Variants in ZFHX2 observed in about 807,000 individuals in gnomAD.
ZFHX2 encodes zinc finger homeobox protein 2.
A neutral mutation model predicts 164.8 loss-of-function variants in ZFHX2; 75 were observed. The ratio of observed to expected loss-of-function variants is 0.46; its 90% CI spans 0.38 to 0.55. The LOEUF is 0.55. Among genes scored for constraint, ZFHX2 ranks in the 20% least tolerant of loss-of-function variants. The probability of loss-of-function intolerance (pLI) is 0.00; values close to 1 mark genes in which losing one functional copy is unlikely to be tolerated. For missense variants in ZFHX2, 2,933 were observed against 3,308.0 expected (o/e 0.89, Z 2.78); for synonymous variants, 1,217 against 1,351.4 (o/e 0.90, Z 2.18).
intron 1 of ZFHX2, chr14:23,543,862 C>G (rs1274998855): frequency 1.3e-5 from 2 of 151,906 alleles, no homozygotes; most frequent in African/African-American, 4.8e-5. Context: ...AAAAAAATAG[C>G]CTTTAGAGTC....
At position 23,535,181 on chromosome 14, in the gene ZFHX2, C is replaced by T; in HGVS notation, c.145G>A (p.Glu49Lys). Residue 49 changes from glutamate to lysine, a missense_variant, in exon 2 of 10, where the codon GAG (glutamate) becomes AAG (lysine). Glu to Lys is a moderately conservative substitution (Grantham distance 56). Coordinates refer to ENST00000419474, the MANE Select transcript of ZFHX2 (RefSeq NM_033400.3). The surrounding 1 kb of genome is among the most constrained non-coding windows in gnomAD (Gnocchi z 4.5). Reference sequence around the variant, plus strand: ...CCTGGCTCTGAGGACCTCATGTTCTCAGAGGTGGAGGAGGCAGCAGGGGGA... The same window carrying T: ...CCTGGCTCTGAGGACCTCATGTTCTTAGAGGTGGAGGAGGCAGCAGGGGGA... ...KDPPAASSTS[E>K]NMRSSEPGGQ... is the part of the protein sequence containing the mutation. The T allele has an allele frequency of 6.5e-7, 1 of 1,533,096 alleles. No homozygotes were observed. The allele number at this position is 1,533,096 out of a possible 1,614,324, so 95.0% of individuals were successfully genotyped here.
Position 23,527,697 on chromosome 14 carries a change from G to A in ZFHX2, c.3042C>T (p.Cys1014=), listed in dbSNP as rs1203916068. The A allele has an allele frequency of 1.3e-6, 2 of 1,536,248 alleles. No individual in the cohort carries two copies. The highest frequency in any genetic ancestry group is 1.4e-5 in the African/African-American group (1 of 73,168). Residue 1014 remains cysteine (C), a synonymous_variant, in exon 7 of 10, where the codon TGC becomes TGT. Coordinates refer to ENST00000419474, the MANE Select transcript of ZFHX2 (RefSeq NM_033400.3). ...AVQPKYRCPL[C]QEQLVGRPAL... ...CAGGCCGGCCCACCAGCTGTTCCTG[G>A]CACAGTGGGCATCTGTACTTGGGCT...
Position 23,546,879 on chromosome 14 carries a change from C to T in ZFHX2, c.-50+4464G>A. Among the ~76,000 whole-genome samples the T allele has an allele frequency of 6.6e-6, 1 of 152,190 alleles. No individual in the cohort carries two copies. ...ACTGTCCTTCCTTCAGGCCCCCCGC[C>T]CACCAGCCCCTTCTTTAGCTGCCCT... On this transcript the variant is annotated intron_variant, in intron 1 of 9. Coordinates refer to ENST00000419474, the MANE Select transcript of ZFHX2 (RefSeq NM_033400.3). This position sits in a 1 kb window ranked among gnomAD's most constrained non-coding sequence, Gnocchi z 4.7.
At position 23,525,788 on chromosome 14, in the gene ZFHX2, G is replaced by A. The variant is rs1878622699; in HGVS notation, c.4154C>T (p.Pro1385Leu). The A allele has an allele frequency of 6.7e-7, 1 of 1,491,774 alleles. No individual in the cohort carries two copies. 92.4% of individuals were successfully genotyped at this position (1,491,774 alleles called of 1,614,324 possible). ...GPKLTLAGPA[P>L]VLSLPAATPP... ...GGTGGCAGCTGGCAGGGACAGCACA[G>A]GTGCAGGCCCAGCTAGTGTCAGCTT... is the stretch of plus-strand genomic sequence containing the variant. The change falls in exon 9 of 10, where the codon CCT (proline) becomes CTT (leucine). Residue 1385 changes from proline to leucine, a missense_variant. Physicochemically the swap from Pro to Leu is moderately conservative, Grantham distance 98 (BLOSUM62 -3). Coordinates refer to ENST00000419474, the MANE Select transcript of ZFHX2 (RefSeq NM_033400.3). The surrounding 1 kb of genome is among the most constrained non-coding windows in gnomAD (Gnocchi z 5.9).
Position 23,525,662 on chromosome 14 carries a change from G to C in ZFHX2, c.4280C>G (p.Pro1427Arg). 6.5e-7 allele frequency: 1 copy of C among 1,535,410 alleles called. No homozygotes were observed. Residue 1427 changes from proline to arginine, a missense_variant, in exon 9 of 10, where the codon CCC becomes CGC. By Grantham distance (103) the Pro-to-Arg change is moderately radical (BLOSUM62 -2). Transcript: ENST00000419474. The surrounding 1 kb of genome is among the most constrained non-coding windows in gnomAD (Gnocchi z 5.9). ...KEGNEAGPSS[P>R]PDPLPNEAAR... ...AGCCTCGTTGGGCAATGGGTCGGGG[G>C]GTGAGGAAGGCCCTGCCTCATTACC...
In ZFHX2 at chr14:23,523,931, G is replaced by C. The variant is rs767684643; in HGVS notation, c.6011C>G (p.Pro2004Arg). 7.8e-6 allele frequency: 12 copies of C among 1,536,116 alleles called. No homozygotes were observed. In the South Asian group the frequency reaches 1.3e-4, roughly 17 times the overall value. ...TTCCTCTGGGCCCTCTTCCTCACTG[G>C]GTGGAGGGGGAGGTAGGAGAGGTAG... ...PPLPLLPPPP[P>R]SEEEGPEEPP... is the part of the protein sequence containing the mutation. The change falls in exon 9 of 10, where the codon CCC (proline) becomes CGC (arginine). Residue 2004 changes from proline to arginine, a missense_variant. Pro to Arg is a moderately radical substitution (Grantham distance 103). Transcript: ENST00000419474. The surrounding 1 kb of genome is among the most constrained non-coding windows in gnomAD (Gnocchi z 4.1).
At position 23,534,455 on chromosome 14, in the gene ZFHX2, A is replaced by G; in HGVS notation, c.871T>C (p.Phe291Leu). 1.3e-6 allele frequency: 2 copies of G among 1,536,394 alleles called. No individual in the cohort carries two copies. Among genetic ancestry groups the G allele is most frequent in the East Asian group, 2.4e-5 (1 of 40,894 alleles). ...CGAGCAGGGAGTTTTGGCTCCAGAA[A>G]GCTTATGAGGGCCTTGCAGCCTTCA... ...GDEGCKALIS[F>L]LEPKLPARPS... Residue 291 changes from phenylalanine (F) to leucine (L), a missense_variant, in exon 2 of 10, where the codon TTT becomes CTT. Transcript: ENST00000419474. The surrounding 1 kb of genome is among the most constrained non-coding windows in gnomAD (Gnocchi z 4.5).
chr14:23,545,935 G>A (rs1881335480), intron 1 of ZFHX2, among the ~76,000 whole-genome samples: 3 of 152,182 alleles, frequency 2.0e-5, no homozygotes, highest in African/African-American at 7.2e-5. Flanking sequence ...AACACTCTTG[G>A]CCCACCCTCT....
upstream of ZFHX2, among the ~76,000 whole-genome samples, chr14:23,553,595 G>A (rs573175324): frequency 7.7e-5 from 11 of 142,544 alleles, no homozygotes; most frequent in African/African-American, 1.8e-4. Flanking sequence ...GTGAAACTCC[G>A]TCTCAAAACC....
intron 1 of ZFHX2, among the ~76,000 whole-genome samples, chr14:23,545,597 T>A (rs1380234435): frequency 6.6e-6 from 1 of 152,184 alleles, no homozygotes; most frequent in Non-Finnish European, 1.5e-5. Flanking sequence ...TCTCTCTAAT[T>A]TCAAGTGCAC....
rs1223810560 is a variant in ZFHX2 at position 23,546,008 on chromosome 14, GCC to G, written c.-50+5333_-50+5334del. ...ACTCTTGACCTCTAGCCCAAGCCCA[GCC>G]CCAAAGGGAGAGGTCCAGGGCAGTT... On this transcript the variant is annotated intron_variant, in intron 1 of 9. Transcript: ENST00000419474. The surrounding 1 kb of genome is among the most constrained non-coding windows in gnomAD (Gnocchi z 4.7). 6.6e-6 allele frequency among the ~76,000 whole-genome samples: 1 copy of G among 152,176 alleles called. No homozygotes were observed.
intron 1 of ZFHX2, among the ~76,000 whole-genome samples, chr14:23,536,270 A>G (rs1270654453): frequency 6.6e-6 from 1 of 152,230 alleles, no homozygotes; most frequent in Non-Finnish European, 1.5e-5. Context: ...ACAGAAAACA[A>G]TGCCTGCCAC....
intron 3 of ZFHX2, 123 bp from the exon 4 acceptor site, chr14:23,531,844 C>A: frequency 5.0e-6 from 6 of 1,195,678 alleles, no homozygotes; most frequent in Non-Finnish European, 6.3e-6. Context: ...GTGGCATGAT[C>A]TCTACTCACT....
rs866977351 is a variant in ZFHX2 at position 23,523,930 on chromosome 14, G to A, written c.6012C>T (p.Pro2004=). 3.3e-6 allele frequency: 5 copies of A among 1,536,214 alleles called. No homozygotes were observed. In the African/African-American group the frequency reaches 4.1e-5, roughly 13 times the overall value. The change falls in exon 9 of 10, where the codon CCC becomes CCT. Residue 2004 remains proline (P), a synonymous_variant. Coordinates refer to ENST00000419474, the MANE Select transcript of ZFHX2 (RefSeq NM_033400.3). This position sits in a 1 kb window ranked among gnomAD's most constrained non-coding sequence, Gnocchi z 4.1. The stretch of plus-strand genomic sequence containing the variant: ...GTTCCTCTGGGCCCTCTTCCTCACT[G>A]GGTGGAGGGGGAGGTAGGAGAGGTA... ...PPLPLLPPPP[P]SEEEGPEEPP...
chr14:23,526,191 T>G lies in ZFHX2; in HGVS notation c.3751A>C (p.Thr1251Pro). 1.3e-6 allele frequency: 2 copies of G among 1,536,552 alleles called. No individual in the cohort carries two copies. Among genetic ancestry groups the G allele is most frequent in the Non-Finnish European group, 1.7e-6 (2 of 1,146,930 alleles). The stretch of plus-strand genomic sequence containing the variant: ...TGGTTGTAGGAGACTCTGCAGACTG[T>G]GCACTTAAAGGGCTTGTCTGTGGCA... ...TAATDKPFKC[T>P]VCRVSYNQSS... Residue 1251 changes from threonine to proline, a missense_variant, in exon 9 of 10, where the codon ACA (threonine) becomes CCA (proline). Thr to Pro is a conservative substitution (Grantham distance 38). Transcript: ENST00000419474.
At position 23,523,934 on chromosome 14, in the gene ZFHX2, G is replaced by A. The variant is rs1878371097; in HGVS notation, c.6008C>T (p.Pro2003Leu). The change falls in exon 9 of 10, where the codon CCA becomes CTA. Residue 2003 changes from proline to leucine, a missense_variant. Coordinates refer to ENST00000419474, the MANE Select transcript of ZFHX2 (RefSeq NM_033400.3). This position sits in a 1 kb window ranked among gnomAD's most constrained non-coding sequence, Gnocchi z 4.1. ...CTCTGGGCCCTCTTCCTCACTGGGT[G>A]GAGGGGGAGGTAGGAGAGGTAGAGG... is the stretch of plus-strand genomic sequence containing the variant. Reference protein sequence around the residue: ...EPPLPLLPPPPPSEEEGPEEP... With the variant: ...EPPLPLLPPPLPSEEEGPEEP... 6.5e-7 allele frequency: 1 copy of A among 1,536,070 alleles called. No homozygotes were observed. The highest frequency in any genetic ancestry group is 1.4e-5 in the African/African-American group (1 of 73,050).
intron 3 of ZFHX2, 157 bp from the exon 4 acceptor site, chr14:23,531,878 G>C: frequency 2.0e-6 from 2 of 1,015,532 alleles, no homozygotes; most frequent in Non-Finnish European, 1.3e-6. Context: ...CCTGGGTTCA[G>C]TGATTCTCAT....
chr14:23,525,171 C>T lies in ZFHX2; in HGVS notation c.4771G>A (p.Val1591Met). 7.8e-6 allele frequency: 12 copies of T among 1,536,072 alleles called. No homozygotes were observed. The highest frequency in any genetic ancestry group is 1.0e-5 in the Non-Finnish European group (12 of 1,146,902). The stretch of plus-strand genomic sequence containing the variant: ...CTGGAGAACCGGCGGCCGGCAGGCA[C>T]CAGGGGAGGAAGATTCCCTCTGGAG... ...ESSRGNLPPL[V>M]PAGRRFSRTK... The change falls in exon 9 of 10, where the codon GTG (valine) becomes ATG (methionine). Residue 1591 changes from valine (V) to methionine (M), a missense_variant. Val to Met is a conservative substitution (Grantham distance 21, BLOSUM62 1). Transcript: ENST00000419474. The surrounding 1 kb of genome is among the most constrained non-coding windows in gnomAD (Gnocchi z 5.9).
chr14:23,531,296 G>T, intron 4 of ZFHX2, 185 bp downstream of exon 4: 1 of 865,644 alleles, frequency 1.2e-6, no homozygotes, highest in Non-Finnish European at 1.5e-6. Flanking sequence ...CTCCACTCAA[G>T]GTAGCCTCCA....
Sources: allele counts gnomAD v4.1 joint callset (sites outside exome capture counted in the v4.1 genomes callset), GRCh38; gene constraint gnomAD v4.1.1; non-coding constraint Gnocchi (gnomAD v3.1); transcripts MANE v1.5; gene names NCBI Gene and HGNC (gene_info 2026-07-23, HGNC 2026-07-21).